Variants in ALG14 observed in about 807,000 individuals in gnomAD.
The protein encoded by ALG14 is UDP-N-acetylglucosamine transferase subunit ALG14.
Under a neutral mutation model 22.8 loss-of-function variants are expected in ALG14, and 17 were observed. The ratio of observed to expected loss-of-function variants is 0.75; its 90% CI spans 0.51 to 1.12. The LOEUF (loss-of-function observed/expected upper bound fraction) is 1.12. Ranked by LOEUF, ALG14 falls within the 50% of genes most tolerant of loss-of-function variation. The pLI, the probability that ALG14 is intolerant of heterozygous loss-of-function variation, is 0.00. For missense variants in ALG14, 288 were observed against 271.8 expected, an observed-to-expected ratio of 1.06 and a Z score of -0.42; for synonymous variants, 89 against 103.7, an observed-to-expected ratio of 0.86 and a Z score of 0.86.
At chr1:95,058,616 TAAAAAAAAAAAA>T (rs61435505) in intron 2 of ALG14, among the ~76,000 whole-genome samples, 1 of 99,314 alleles carries the variant, frequency 1.0e-5, no homozygotes, top group Admixed American at 1.2e-4. Context: ...GATTCATTCT[TAAAAAAAAAAAA>T]AAAAAAAAGA....
chr1:95,066,237 C>T (rs1264618417), intron 1 of ALG14, among the ~76,000 whole-genome samples: 2 of 152,078 alleles, frequency 1.3e-5, no homozygotes, highest in Non-Finnish European at 2.9e-5. Flanking sequence ...CCCTCACCTC[C>T]CCCCAGGTGG....
intron 2 of ALG14, among the ~76,000 whole-genome samples, chr1:95,031,047 G>A (rs1323221571): frequency 2.0e-5 from 3 of 152,154 alleles, no homozygotes; most frequent in African/African-American, 7.2e-5. Context: ...TAGCTGGGAG[G>A]GGAGTCTTGG....
chr1:95,005,756 G>C (rs1673202349), intron 3 of ALG14, among the ~76,000 whole-genome samples: 1 of 152,186 alleles, frequency 6.6e-6, no homozygotes, highest in African/African-American at 2.4e-5. Context: ...GATAAGGGGA[G>C]CTTACAGGGG....
At chr1:94,988,733 A>C (rs1239147930) in intron 3 of ALG14, among the ~76,000 whole-genome samples, 1 of 152,254 alleles carries the variant, frequency 6.6e-6, no homozygotes, top group Non-Finnish European at 1.5e-5. Context: ...TATTTGGTTC[A>C]TGAGGTTGGT....
At chr1:95,009,038 C>T (rs1673292383) in intron 3 of ALG14, among the ~76,000 whole-genome samples, 1 of 151,932 alleles carries the variant, frequency 6.6e-6, no homozygotes, top group South Asian at 2.1e-4. Flanking sequence ...ATATATACTA[C>T]ATTTTGTTTC....
chr1:95,024,509 G>A (rs1057201656), intron 3 of ALG14, among the ~76,000 whole-genome samples: 2 of 152,186 alleles, frequency 1.3e-5, no homozygotes, highest in Non-Finnish European at 2.9e-5. Flanking sequence ...GAAAATTGGA[G>A]TTACATAACA....
chr1:95,007,698 C>T lies in ALG14; in HGVS notation c.420+19431G>A, dbSNP rs79560528. Among the ~76,000 whole-genome samples the T allele has an allele frequency of 5.8e-4, 88 of 152,328 alleles. No homozygotes were observed. The East Asian group carries it at 0.015, about 27-fold the overall frequency. On this transcript the variant is annotated intron_variant, in intron 3 of 3. Coordinates refer to ENST00000370205, the MANE Select transcript of ALG14 (RefSeq NM_144988.4). ...AGGGGCCCCATAAACCACAGCAATA[C>T]CACCCACTGGTTTGAACTTATGGAA...
chr1:95,002,439 T>A (rs1379985130), intron 3 of ALG14, among the ~76,000 whole-genome samples: 1 of 151,486 alleles, frequency 6.6e-6, no homozygotes, highest in Non-Finnish European at 1.5e-5. Context: ...GGAAGGAGGA[T>A]GAACATAAAA....
At chr1:95,005,721 T>G (rs1475650541) in intron 3 of ALG14, among the ~76,000 whole-genome samples, 3 of 152,166 alleles carry the variant, frequency 2.0e-5, no homozygotes, top group Non-Finnish European at 4.4e-5. Flanking sequence ...GTTCACTGTA[T>G]AGTCTGGTTC....
At chr1:95,055,197 CAAAAT>C (rs1294192689) in intron 2 of ALG14, among the ~76,000 whole-genome samples, 1 of 151,856 alleles carries the variant, frequency 6.6e-6, no homozygotes, top group Non-Finnish European at 1.5e-5. Flanking sequence ...GAAGTTCTGA[CAAAAT>C]AAAATGAGAA....
In ALG14 at chr1:95,033,404, T is replaced by TAC. The variant is rs758310638; in HGVS notation, c.289-6145_289-6144insGT. ...ATACATACATACATACATACATACA[T>TAC]ATATATATATATATATACACACACA... is the stretch of plus-strand genomic sequence containing the variant. On this transcript the variant is annotated intron_variant, in intron 2 of 3. Transcript: ENST00000370205. 4.7e-3 allele frequency among the ~76,000 whole-genome samples: 570 copies of TAC among 121,118 alleles called. 1 individual carries two copies. Among genetic ancestry groups the TAC allele is most frequent in the African/African-American group, 7.6e-3 (231 of 30,244 alleles). The allele number at this position is 121,118 out of a possible 152,430, so 79.5% of individuals were successfully genotyped here.
chr1:95,055,351 T>C (rs1271010923), intron 2 of ALG14, among the ~76,000 whole-genome samples: 4 of 152,154 alleles, frequency 2.6e-5, no homozygotes, highest in African/African-American at 7.2e-5. Flanking sequence ...CTAAGATTAC[T>C]ATACAAAAAT....
chr1:95,067,903 C>T (rs936542314), intron 1 of ALG14, among the ~76,000 whole-genome samples: 1 of 152,166 alleles, frequency 6.6e-6, no homozygotes, highest in African/African-American at 2.4e-5. Flanking sequence ...ATCTCCTGTT[C>T]CTCCCCGCTT....
intron 2 of ALG14, among the ~76,000 whole-genome samples, chr1:95,042,922 T>C (rs1051300988): frequency 2.2e-4 from 34 of 152,222 alleles, no homozygotes; most frequent in African/African-American, 7.2e-4. Flanking sequence ...GGTTGTCTAA[T>C]TTTCTTGCCT....
At chr1:94,994,187 G>A (rs1267150255) in intron 3 of ALG14, among the ~76,000 whole-genome samples, 1 of 152,156 alleles carries the variant, frequency 6.6e-6, no homozygotes, top group East Asian at 1.9e-4. Context: ...TGAGGAAACC[G>A]AATCTTTTAG....
chr1:95,003,690 C>A (rs1010072415), intron 3 of ALG14, among the ~76,000 whole-genome samples: 2 of 152,058 alleles, frequency 1.3e-5, no homozygotes, highest in African/African-American at 4.8e-5. Context: ...GAACTCTTGG[C>A]CTCAAACAAT....
Position 95,072,909 on chromosome 1 carries a change from G to A in ALG14, c.-11C>T, listed in dbSNP as rs1037540570. On this transcript the variant is annotated 5_prime_UTR_variant, in exon 1 of 4. Transcript: ENST00000370205. ...GAGAACGCACACCATGCAGAGAAAC[G>A]GCGCATGCGTCCAACTTCCGGGGAC... The A allele has an allele frequency of 2.0e-5, 32 of 1,613,416 alleles. No individual in the cohort carries two copies. Among genetic ancestry groups the A allele is most frequent in the Non-Finnish European group, 2.7e-5 (32 of 1,179,904 alleles).
chr1:95,005,881 A>G (rs1408099692), intron 3 of ALG14, among the ~76,000 whole-genome samples: 1 of 152,180 alleles, frequency 6.6e-6, no homozygotes, highest in African/African-American at 2.4e-5. Flanking sequence ...TGACTTTCAA[A>G]TGTCCCATTG....
chr1:95,068,576 C>T (rs1208270172), intron 1 of ALG14, among the ~76,000 whole-genome samples: 3 of 152,186 alleles, frequency 2.0e-5, no homozygotes, highest in African/African-American at 7.2e-5. Flanking sequence ...AAGCGTGAGC[C>T]ACAGTGCCTG....
Sources: allele counts gnomAD v4.1 joint callset (sites outside exome capture counted in the v4.1 genomes callset), GRCh38; gene constraint gnomAD v4.1.1; transcripts MANE v1.5; gene names NCBI Gene and HGNC (gene_info 2026-07-23, HGNC 2026-07-21).